DMP1: variants seen among roughly 807,000 people sequenced by gnomAD.
The protein encoded by DMP1 is dentin matrix acidic phosphoprotein 1.
A neutral mutation model predicts 14.6 loss-of-function variants in DMP1; 20 were observed. The observed-to-expected ratio is 1.37, with a 90% CI of 0.96 to 1.99. The LOEUF (loss-of-function observed/expected upper bound fraction) is 1.99. DMP1 is among the 30% of genes most tolerant of loss of function. The pLI, the probability that DMP1 is intolerant of heterozygous loss-of-function variation, is 0.00. For missense variants in DMP1, 567 were observed against 620.5 expected, an observed-to-expected ratio of 0.91 and a Z score of 0.92; for synonymous variants, 197 against 215.3, an observed-to-expected ratio of 0.91 and a Z score of 0.75.
rs1728501786 is a variant in DMP1 at position 87,650,289 on chromosome 4, ACACAAGAGTGGCTT to A, written c.-114_-101del. 1 of 147,168 alleles carries A rather than the reference ACACAAGAGTGGCTT, an allele frequency of 6.8e-6. No homozygotes were observed. The highest frequency in any genetic ancestry group is 2.1e-4 in the South Asian group (1 of 4,748). 9.1% of individuals were successfully genotyped at this position (147,168 alleles called of 1,614,324 possible). A position where few individuals can be genotyped will look rare whatever the true frequency, so the allele number is the denominator to read the frequency against. On this transcript the variant is annotated 5_prime_UTR_variant, in exon 1 of 6. Transcript: ENST00000339673. ...CATCAGAGAAGTGTCCAGAATATCAACACAAGAGTGGCTTCATTGGGCATAGATTTCCTCTTTGA... is the reference window on the plus strand; with the variant it reads ...CATCAGAGAAGTGTCCAGAATATCAACATTGGGCATAGATTTCCTCTTTGA...
At position 87,663,203 on chromosome 4, in the gene DMP1, T is replaced by A. The variant is rs776998280; in HGVS notation, c.1425T>A (p.Ser475Arg). The change falls in exon 6 of 6, where the codon AGT (serine) becomes AGA (arginine). Residue 475 changes from serine (S) to arginine (R), a missense_variant. Transcript: ENST00000339673. ...ACTCCACGGAGAGCAAATCAAGCAG[T>A]GAGGAAGATGGCCAGTTGAAAAACA... ...DSNSTESKSSSEEDGQLKNIE... is the reference protein window; with the variant it reads ...DSNSTESKSSREEDGQLKNIE... The A allele has an allele frequency of 3.5e-5, 57 of 1,613,900 alleles. No individual in the cohort carries two copies. Among genetic ancestry groups the A allele is most frequent in the Non-Finnish European group, 4.8e-5 (57 of 1,180,014 alleles).
At chr4:87,653,386 G>GATT (rs1553906464) in intron 1 of DMP1, among the ~76,000 whole-genome samples, 4 of 57,728 alleles carry the variant, frequency 6.9e-5, no homozygotes, top group Non-Finnish European at 1.1e-4. Context: ...ATTATCGAGT[G>GATT]ATATATATAT....
At chr4:87,659,306 T>C in intron 4 of DMP1, 54 bp downstream of exon 4, 16 of 1,604,578 alleles carry the variant, frequency 1.0e-5, no homozygotes, top group Non-Finnish European at 1.4e-5. Flanking sequence ...ACTTTAACAC[T>C]CTTCCAGTTG....
At chr4:87,657,652 A>C (rs1457575961) in intron 3 of DMP1, among the ~76,000 whole-genome samples, 3 of 152,172 alleles carry the variant, frequency 2.0e-5, no homozygotes, top group Non-Finnish European at 4.4e-5. Flanking sequence ...GAGTAATTCA[A>C]TCGTCTAGGT....
intron 1 of DMP1, among the ~76,000 whole-genome samples, chr4:87,651,183 G>C (rs769825421): frequency 1.3e-5 from 2 of 152,082 alleles, no homozygotes; most frequent in African/African-American, 2.4e-5. Context: ...ACTGAGGCTT[G>C]ACTATCTTAT....
rs534575624 is a variant in DMP1, at chr4:87,663,701, G to A, written c.*381G>A. ...GACTTGTTTCTTGCTCCTGAGGAGCGTATAGAAGGACCCACAAAGCTACAG... is the reference window on the plus strand; with the variant it reads ...GACTTGTTTCTTGCTCCTGAGGAGCATATAGAAGGACCCACAAAGCTACAG... On this transcript the variant is annotated 3_prime_UTR_variant, in exon 6 of 6. Coordinates refer to ENST00000339673, the MANE Select transcript of DMP1 (RefSeq NM_004407.4). 83 of 327,912 alleles carry A rather than the reference G, an allele frequency of 2.5e-4. No homozygotes were observed. Among genetic ancestry groups the A allele is most frequent in the African/African-American group, 1.3e-3 (63 of 46,668 alleles). The allele number at this position is 327,912 out of a possible 1,614,324, so 20.3% of individuals were successfully genotyped here.
At chr4:87,661,051 T>C (rs1037166909) in intron 5 of DMP1, among the ~76,000 whole-genome samples, 1 of 152,102 alleles carries the variant, frequency 6.6e-6, no homozygotes, top group Non-Finnish European at 1.5e-5. Flanking sequence ...GTGTGTTTGT[T>C]TGTTTGAGAC....
chr4:87,651,146 CT>C (rs1728522602), intron 1 of DMP1, among the ~76,000 whole-genome samples: 1 of 152,100 alleles, frequency 6.6e-6, no homozygotes, highest in Admixed American at 6.6e-5. Context: ...AGAGCAGTAA[CT>C]TGTGGTTAAC....
chr4:87,651,792 A>C (rs1728536248), intron 1 of DMP1, among the ~76,000 whole-genome samples: 1 of 152,160 alleles, frequency 6.6e-6, no homozygotes, highest in Admixed American at 6.5e-5. Context: ...AACAATACTA[A>C]GACAAATAAA....
intron 5 of DMP1, among the ~76,000 whole-genome samples, chr4:87,659,866 C>G (rs1728809264): frequency 6.6e-6 from 1 of 152,154 alleles, no homozygotes; most frequent in Non-Finnish European, 1.5e-5. Flanking sequence ...CTGGGAGCTT[C>G]TATGTGTCAA....
intron 1 of DMP1, 134 bp from the exon 2 acceptor site, chr4:87,656,338 T>C (rs541198942): frequency 1.1e-4 from 73 of 680,960 alleles, no homozygotes; most frequent in African/African-American, 1.0e-3. Context: ...GTTTTATAGA[T>C]ACAGTAAATT....
At chr4:87,653,398 T>G (rs1728577707) in intron 1 of DMP1, among the ~76,000 whole-genome samples, 1 of 60,002 alleles carries the variant, frequency 1.7e-5, no homozygotes, top group Non-Finnish European at 3.4e-5. Flanking sequence ...TATATATATA[T>G]ATATATATAT....
At chr4:87,654,441 TAAACTATTGC>T (rs1231285995) in intron 1 of DMP1, among the ~76,000 whole-genome samples, 1 of 152,164 alleles carries the variant, frequency 6.6e-6, no homozygotes, top group African/African-American at 2.4e-5. Context: ...CCTATACCAG[TAAACTATTGC>T]AAATCAAAGA....
rs1407858291 is a variant in DMP1, at chr4:87,661,978, G to A, written c.200G>A (p.Ser67Asn). 2 of 1,614,130 alleles carry A rather than the reference G, an allele frequency of 1.2e-6. No homozygotes were observed. Among genetic ancestry groups the A allele is most frequent in the Non-Finnish European group, 1.7e-6 (2 of 1,179,996 alleles). The change falls in exon 6 of 6, where the codon AGT becomes AAT. Residue 67 changes from serine (S) to asparagine (N), a missense_variant. Physicochemically the swap from Ser to Asn is conservative, Grantham distance 46. Coordinates refer to ENST00000339673, the MANE Select transcript of DMP1 (RefSeq NM_004407.4). The stretch of plus-strand genomic sequence containing the variant: ...AAATTCTAGGCAAATGAAGACCCCA[G>A]TGACAGCACTCAGTCAGAGGAGGGC... ...SSEEQANEDPSDSTQSEEGLG... is the reference protein window; with the variant it reads ...SSEEQANEDPNDSTQSEEGLG...
chr4:87,662,442 A>G lies in DMP1; in HGVS notation c.664A>G (p.Ser222Gly). The change falls in exon 6 of 6, where the codon AGC (serine) becomes GGC (glycine). Residue 222 changes from serine to glycine, a missense_variant. By Grantham distance (56) the Ser-to-Gly change is moderately conservative. Transcript: ENST00000339673. ...DEGMQSDDPE[S>G]IRSERGNSRM... The stretch of plus-strand genomic sequence containing the variant: ...GGGAATGCAGAGTGATGACCCAGAG[A>G]GCATCAGGAGTGAAAGGGGAAACTC... 6.2e-7 allele frequency: 1 copy of G among 1,614,178 alleles called. No individual in the cohort carries two copies. Among genetic ancestry groups the G allele is most frequent in the Non-Finnish European group, 8.5e-7 (1 of 1,180,034 alleles).
At position 87,650,340 on chromosome 4, in the gene DMP1, T is replaced by C. The variant is rs1728503489; in HGVS notation, c.-66T>C. The C allele has an allele frequency of 6.6e-6, 1 of 152,250 alleles. No homozygotes were observed. Among genetic ancestry groups the C allele is most frequent in the South Asian group, 2.1e-4 (1 of 4,832 alleles). 9.4% of individuals were successfully genotyped at this position (152,250 alleles called of 1,614,324 possible). A position where few individuals can be genotyped will look rare whatever the true frequency, so the allele number is the denominator to read the frequency against. On this transcript the variant is annotated 5_prime_UTR_variant, in exon 1 of 6. Coordinates refer to ENST00000339673, the MANE Select transcript of DMP1 (RefSeq NM_004407.4). ...GATTTCCTCTTTGAGAACATCAACC[T>C]GATTTTTGAGACTTTTTGAAAAAAT...
At chr4:87,653,887 A>C (rs1728606910) in intron 1 of DMP1, among the ~76,000 whole-genome samples, 1 of 152,190 alleles carries the variant, frequency 6.6e-6, no homozygotes, top group African/African-American at 2.4e-5. Context: ...AAGGAATACA[A>C]AATTATTTTT....
Position 87,662,116 on chromosome 4 carries a change from C to G in DMP1, c.338C>G (p.Thr113Ser), listed in dbSNP as rs145164698. Residue 113 changes from threonine to serine, a missense_variant, in exon 6 of 6, where the codon ACC (threonine) becomes AGC (serine). Transcript: ENST00000339673. ...DDDEDDSGDD[T>S]FGDDDSGPGP... Reference sequence around the variant, plus strand: ...GATGAAGATGACAGTGGAGATGACACCTTTGGTGACGATGACAGTGGCCCA... The same window carrying G: ...GATGAAGATGACAGTGGAGATGACAGCTTTGGTGACGATGACAGTGGCCCA... 2 of 1,614,170 alleles carry G rather than the reference C, an allele frequency of 1.2e-6. No homozygotes were observed. The highest frequency in any genetic ancestry group is 2.2e-5 in the East Asian group (1 of 44,876).
chr4:87,653,757 G>A (rs1294476553), intron 1 of DMP1, among the ~76,000 whole-genome samples: 1 of 152,020 alleles, frequency 6.6e-6, no homozygotes, highest in Non-Finnish European at 1.5e-5. Flanking sequence ...TATATATTTA[G>A]GGTTGAGAAT....
Sources: gnomAD v4.1 joint callset for allele counts (sites outside exome capture counted in the v4.1 genomes callset) on GRCh38, gnomAD v4.1.1 for gene constraint, MANE v1.5 for transcripts, NCBI Gene and HGNC (gene_info 2026-07-23, HGNC 2026-07-21) for gene names.